The following MRPL15 variants were observed in gnomAD, a reference collection of about 807,000 sequenced individuals.
MRPL15 encodes the protein mitochondrial ribosomal protein L15, also known as large ribosomal subunit protein uL15m.
A neutral mutation model predicts 28.0 loss-of-function variants in MRPL15; 24 were observed. That is an observed-to-expected ratio of 0.86 (90% CI 0.62 to 1.21). The LOEUF is 1.21. Among genes scored for constraint, MRPL15 ranks in the 50% most tolerant of loss-of-function variants. The pLI, the probability that MRPL15 is intolerant of heterozygous loss-of-function variation, is 0.00. For missense variants in MRPL15, 343 were observed against 372.4 expected, an observed-to-expected ratio of 0.92 and a Z score of 0.65; for synonymous variants, 124 against 137.0, an observed-to-expected ratio of 0.90 and a Z score of 0.66.
At chr8:54,145,202 C>A (rs1207453505) in intron 4 of MRPL15, among the ~76,000 whole-genome samples, 2 of 152,158 alleles carry the variant, frequency 1.3e-5, no homozygotes, top group East Asian at 3.9e-4. Context: ...CTTTGTTGTA[C>A]TTTAGTTTTC....
Position 54,147,624 on chromosome 8 carries a change from T to C in MRPL15, c.796T>C (p.Phe266Leu). Residue 266 changes from phenylalanine to leucine, a missense_variant, in exon 5 of 5, where the codon TTC becomes CTC. By Grantham distance (22) the Phe-to-Leu change is conservative (BLOSUM62 0). Transcript: ENST00000260102. ...TACTAGGAAGGATCCAAGGCAGATT[T>C]TCTTTGGTCTTGCTCCAGGATGGGT... is the stretch of plus-strand genomic sequence containing the variant. ...LCTRKDPRQI[F>L]FGLAPGWVVN... 6.2e-7 allele frequency: 1 copy of C among 1,614,202 alleles called. No homozygotes were observed.
chr8:54,135,570 CTTTTTTTTTTT>C (rs537299219), intron 1 of MRPL15, among the ~76,000 whole-genome samples, 179 bp downstream of exon 1: 2 of 116,902 alleles, frequency 1.7e-5, no homozygotes, highest in East Asian at 2.2e-4. Flanking sequence ...GCACCCAGTT[CTTTTTTTTTTT>C]TTTTTTTTTT....
At chr8:54,136,277 CT>C (rs573307819) in intron 1 of MRPL15, among the ~76,000 whole-genome samples, 2 of 152,204 alleles carry the variant, frequency 1.3e-5, no homozygotes, top group South Asian at 2.1e-4. Context: ...CTAACCTTTA[CT>C]TTTTGCTTTT....
At position 54,147,675 on chromosome 8, in the gene MRPL15, C is replaced by A. The variant is rs1811068913; in HGVS notation, c.847C>A (p.Leu283Ile). 6.2e-7 allele frequency: 1 copy of A among 1,613,746 alleles called. No homozygotes were observed. Among genetic ancestry groups the A allele is most frequent in the African/African-American group, 1.3e-5 (1 of 74,984 alleles). ...GGTGAATATGGCCGATAAGAAAATC[C>A]TAAAACCTACAGATGAAAATCTCCT... is the stretch of plus-strand genomic sequence containing the variant. ...WVVNMADKKI[L>I]KPTDENLLKY... Residue 283 changes from leucine (L) to isoleucine (I), a missense_variant, in exon 5 of 5, where the codon CTA becomes ATA. Leu to Ile is a conservative substitution (Grantham distance 5). Coordinates refer to ENST00000260102, the MANE Select transcript of MRPL15 (RefSeq NM_014175.4).
At chr8:54,144,756 G>A (rs1456194751) in intron 4 of MRPL15, among the ~76,000 whole-genome samples, 1 of 150,514 alleles carries the variant, frequency 6.6e-6, no homozygotes, top group African/African-American at 2.5e-5. Context: ...TCCAGGCTGG[G>A]TGGCAAAGTG....
At chr8:54,140,547 A>G (rs188545609) in intron 3 of MRPL15, among the ~76,000 whole-genome samples, 2 of 134,024 alleles carry the variant, frequency 1.5e-5, no homozygotes, top group Admixed American at 1.6e-4. Flanking sequence ...GAGTCACCGC[A>G]CCCGGCCTAG....
chr8:54,141,547 A>G (rs1810926176), intron 3 of MRPL15, among the ~76,000 whole-genome samples: 1 of 152,226 alleles, frequency 6.6e-6, no homozygotes, highest in Non-Finnish European at 1.5e-5. Flanking sequence ...AATGTTAAAA[A>G]AAAAGTGATA....
At chr8:54,141,301 C>T (rs183050322) in intron 3 of MRPL15, among the ~76,000 whole-genome samples, 5 of 152,098 alleles carry the variant, frequency 3.3e-5, no homozygotes, top group Admixed American at 6.6e-5. Context: ...TCGGTATTTC[C>T]GATCTATGAA....
intron 3 of MRPL15, 65 bp from the exon 4 acceptor site, chr8:54,142,598 G>A: frequency 6.4e-7 from 1 of 1,571,702 alleles, no homozygotes; most frequent in East Asian, 2.2e-5. Context: ...TAAAAAGGAA[G>A]CTTGACATAA....
chr8:54,136,631 C>A lies in MRPL15; in HGVS notation c.229C>A (p.Arg77=), dbSNP rs747947745. ...FEGGQTPFYI[R]IPKYGFNEGH... ...GGGAGGCCAGACTCCATTTTACATC[C>A]GAATCCCAAAATACGGGTTTAACGA... The change falls in exon 2 of 5, where the codon CGA becomes AGA. Residue 77 remains arginine, a synonymous_variant. Coordinates refer to ENST00000260102, the MANE Select transcript of MRPL15 (RefSeq NM_014175.4). 1.2e-6 allele frequency: 2 copies of A among 1,614,014 alleles called. No homozygotes were observed. The highest frequency in any genetic ancestry group is 1.3e-5 in the African/African-American group (1 of 74,934).
rs1436852140 is a variant in MRPL15 at position 54,136,555 on chromosome 8, A to G, written c.153A>G (p.Arg51=). Residue 51 remains arginine (R), a synonymous_variant, in exon 2 of 5, where the codon AGA becomes AGG. Transcript: ENST00000260102. The part of the protein sequence containing the change: ...RGRRRGRKCG[R]GHKGERQRGT... ...GGAGAAGAGGTAGAAAATGTGGCAG[A>G]GGCCATAAAGGAGAAAGGCAAAGAG... The G allele has an allele frequency of 1.9e-6, 3 of 1,614,152 alleles. No homozygotes were observed. In the South Asian group the frequency reaches 3.3e-5, roughly 18 times the overall value.
chr8:54,136,999 A>G (rs1050218983), intron 2 of MRPL15, among the ~76,000 whole-genome samples: 1 of 152,210 alleles, frequency 6.6e-6, no homozygotes, highest in African/African-American at 2.4e-5. Context: ...TTTGAGCTCC[A>G]TAGTAAGTTA....
chr8:54,142,110 A>T (rs1261043182), intron 3 of MRPL15, among the ~76,000 whole-genome samples: 1 of 151,706 alleles, frequency 6.6e-6, no homozygotes, highest in African/African-American at 2.4e-5. Context: ...TGGCCTCCCA[A>T]AGTGCTGGGA....
intron 4 of MRPL15, among the ~76,000 whole-genome samples, chr8:54,143,078 C>G (rs1332505121): frequency 6.6e-6 from 1 of 151,888 alleles, no homozygotes; most frequent in Non-Finnish European, 1.5e-5. Flanking sequence ...TGAAATGTCT[C>G]TTTTCTCTCT....
intron 3 of MRPL15, among the ~76,000 whole-genome samples, chr8:54,139,622 C>A (rs1810886349): frequency 6.6e-6 from 1 of 152,022 alleles, no homozygotes. Flanking sequence ...TAAAAATAAC[C>A]CTGAAAACTT....
At chr8:54,140,533 G>T (rs1371357406) in intron 3 of MRPL15, among the ~76,000 whole-genome samples, 1 of 148,296 alleles carries the variant, frequency 6.7e-6, no homozygotes, top group Non-Finnish European at 1.5e-5. Context: ...GAAGTGCTAG[G>T]ATTGAGTCAC....
chr8:54,137,664 A>G (rs1249446337), intron 3 of MRPL15, among the ~76,000 whole-genome samples: 3 of 152,060 alleles, frequency 2.0e-5, no homozygotes, highest in African/African-American at 4.8e-5. Flanking sequence ...GGGTTTCACT[A>G]TGTTGGCCAG....
At chr8:54,144,922 G>A (rs1226613592) in intron 4 of MRPL15, among the ~76,000 whole-genome samples, 3 of 152,008 alleles carry the variant, frequency 2.0e-5, no homozygotes, top group Non-Finnish European at 4.4e-5. Flanking sequence ...TTTTAAAAGA[G>A]TCACAGACAT....
chr8:54,136,520 C>G lies in MRPL15; in HGVS notation c.118C>G (p.Pro40Ala), dbSNP rs933569235. 15 of 1,611,782 alleles carry G rather than the reference C, an allele frequency of 9.3e-6. No individual in the cohort carries two copies. The highest frequency in any genetic ancestry group is 1.3e-5 in the Non-Finnish European group (15 of 1,179,174). ...NPGSKKPERR[P>A]RGRRRGRKCG... ...TTTTTTTTCCTTGCAGGAGAGAAGA[C>G]CAAGAGGTCGGAGAAGAGGTAGAAA... The change falls in exon 2 of 5, where the codon CCA becomes GCA. Residue 40 changes from proline (P) to alanine (A), a missense_variant. Transcript: ENST00000260102.
Sources: allele counts gnomAD v4.1 joint callset (sites outside exome capture counted in the v4.1 genomes callset), GRCh38; gene constraint gnomAD v4.1.1; transcripts MANE v1.5; gene names NCBI Gene and HGNC (gene_info 2026-07-23, HGNC 2026-07-21).